Variants in PCBP3 observed in about 807,000 individuals in gnomAD.
PCBP3 encodes poly(rC) binding protein 3.
A neutral mutation model predicts 52.7 loss-of-function variants in PCBP3; 25 were observed. That is an observed-to-expected ratio of 0.47 (90% CI 0.35 to 0.66). The LOEUF is 0.66. Among genes scored for constraint, PCBP3 ranks in the 30% least tolerant of loss-of-function variants. PCBP3 has a pLI of 0.01. For missense variants in PCBP3, 391 were observed against 490.3 expected (o/e 0.80, Z 1.91); for synonymous variants, 162 against 183.0 (o/e 0.89, Z 0.93).
chr21:45,862,137 C>A (rs1377199077), intron 5 of PCBP3, among the ~76,000 whole-genome samples: 1 of 148,812 alleles, frequency 6.7e-6, no homozygotes, highest in Non-Finnish European at 1.5e-5. Context: ...GCCTAATCAC[C>A]TCCTGATACC....
rs1405428678 is a variant in PCBP3 at position 45,735,250 on chromosome 21, C to G, written c.-199-142C>G. 1 of 152,192 alleles carries G rather than the reference C, an allele frequency of 6.6e-6. No individual in the cohort carries two copies. The highest frequency in any genetic ancestry group is 1.5e-5 in the Non-Finnish European group (1 of 68,034). The allele number at this position is 152,192 out of a possible 1,614,324, so 9.4% of individuals were successfully genotyped here. A position where few individuals can be genotyped will look rare whatever the true frequency, so the allele number is the denominator to read the frequency against. On this transcript the variant is annotated intron_variant, in intron 2 of 17. Coordinates refer to ENST00000681687, the MANE Select transcript of PCBP3 (RefSeq NM_001384156.1). This position sits in a 1 kb window ranked among gnomAD's most constrained non-coding sequence, Gnocchi z 4.0. ...AAACTGTCTTTGACCTTCCCAATAA[C>G]TGATTTATAAACATGTCTTTTTAAT...
At chr21:45,674,773 T>C (rs1174601893) in intron 2 of PCBP3, among the ~76,000 whole-genome samples, 1 of 152,160 alleles carries the variant, frequency 6.6e-6, no homozygotes, top group Non-Finnish European at 1.5e-5. Flanking sequence ...TGCTTTTATA[T>C]GAGGGCACTG....
At chr21:45,893,916 G>A in intron 5 of PCBP3, 1 of 985,418 alleles carries the variant, frequency 1.0e-6, no homozygotes, top group Non-Finnish European at 1.2e-6. Context: ...CCACTGAGCT[G>A]CCCCATGGAC....
chr21:45,709,350 A>ATC (rs1313445413), intron 2 of PCBP3, among the ~76,000 whole-genome samples: 1 of 152,206 alleles, frequency 6.6e-6, no homozygotes, highest in African/African-American at 2.4e-5. Context: ...TATATCTTAG[A>ATC]TACATGGCAT....
chr21:45,845,261 G>A (rs572370991), intron 4 of PCBP3, among the ~76,000 whole-genome samples: 5 of 152,382 alleles, frequency 3.3e-5, no homozygotes, highest in South Asian at 2.1e-4. Flanking sequence ...TGAGGAGAAT[G>A]TTACAGAGAG....
intron 4 of PCBP3, among the ~76,000 whole-genome samples, chr21:45,819,665 G>A (rs1376706172): frequency 2.6e-5 from 4 of 152,222 alleles, no homozygotes; most frequent in African/African-American, 9.6e-5. Flanking sequence ...GTGCTATCTT[G>A]GCTGAGGTGG....
Position 45,704,218 on chromosome 21 carries a change from C to T in PCBP3, c.-199-31174C>T, listed in dbSNP as rs907377072. 1.4e-4 allele frequency among the ~76,000 whole-genome samples: 21 copies of T among 152,170 alleles called. No homozygotes were observed. Among genetic ancestry groups the T allele is most frequent in the Admixed American group, 6.5e-4 (10 of 15,288 alleles). ...GTCATATCAGATGCTGGGGATGGCTCCAAGGAGACTCTGGTGGCAACCCTG... is the reference window on the plus strand; with the variant it reads ...GTCATATCAGATGCTGGGGATGGCTTCAAGGAGACTCTGGTGGCAACCCTG... On this transcript the variant is annotated intron_variant, in intron 2 of 17. Coordinates refer to ENST00000681687, the MANE Select transcript of PCBP3 (RefSeq NM_001384156.1). This position sits in a 1 kb window ranked among gnomAD's most constrained non-coding sequence, Gnocchi z 4.1.
intron 13 of PCBP3, among the ~76,000 whole-genome samples, chr21:45,921,243 T>A (rs2074392486): frequency 1.8e-5 from 2 of 112,564 alleles, no homozygotes; most frequent in Admixed American, 9.0e-5. Flanking sequence ...TATATCAATA[T>A]AATTATAGAA....
intron 4 of PCBP3, among the ~76,000 whole-genome samples, chr21:45,813,312 A>G (rs1388651189): frequency 1.3e-5 from 2 of 152,110 alleles, no homozygotes; most frequent in African/African-American, 2.4e-5. Flanking sequence ...AAGTCCATCC[A>G]GTGAATTGTC....
chr21:45,811,670 G>A (rs968769929), intron 4 of PCBP3, among the ~76,000 whole-genome samples: 2 of 152,196 alleles, frequency 1.3e-5, no homozygotes, highest in Non-Finnish European at 2.9e-5. Flanking sequence ...CTGGTATTGA[G>A]ACATGTTGGC....
chr21:45,682,348 A>G (rs557680069), intron 2 of PCBP3, among the ~76,000 whole-genome samples: 2 of 152,266 alleles, frequency 1.3e-5, no homozygotes, highest in South Asian at 4.1e-4. Context: ...TATAATGTCC[A>G]GTGTTTTCAA....
intron 13 of PCBP3, among the ~76,000 whole-genome samples, chr21:45,919,785 G>A (rs774752013): frequency 7.9e-5 from 12 of 152,192 alleles, no homozygotes; most frequent in South Asian, 2.1e-4. Context: ...CCCAGCCTGC[G>A]CCCAGCAGCA....
Position 45,940,151 on chromosome 21 carries a change from C to G in PCBP3, c.1031C>G (p.Thr344Arg). 1 of 1,614,094 alleles carries G rather than the reference C, an allele frequency of 6.2e-7. No individual in the cohort carries two copies. The highest frequency in any genetic ancestry group is 8.5e-7 in the Non-Finnish European group (1 of 1,179,954). ...TCCTCAGAGCGTCAGATCACCATCA[C>G]GGGGACCCCGGCCAACATCAGCCTT... ...EGSSERQITI[T>R]GTPANISLAQ... The change falls in exon 17 of 18, where the codon ACG becomes AGG. Residue 344 changes from threonine to arginine, a missense_variant. Thr to Arg is a moderately conservative substitution (Grantham distance 71, BLOSUM62 -1). Coordinates refer to ENST00000681687, the MANE Select transcript of PCBP3 (RefSeq NM_001384156.1).
At chr21:45,765,844 C>T (rs1410013404) in intron 4 of PCBP3, among the ~76,000 whole-genome samples, 1 of 152,216 alleles carries the variant, frequency 6.6e-6, no homozygotes, top group African/African-American at 2.4e-5. Flanking sequence ...CGATGTGCTT[C>T]CTTCATGTTC....
At chr21:45,924,280 C>T (rs866629679) in intron 13 of PCBP3, among the ~76,000 whole-genome samples, 1 of 122,608 alleles carries the variant, frequency 8.2e-6, no homozygotes, top group African/African-American at 2.9e-5. Flanking sequence ...ATCGGGTGTG[C>T]GTGAGGAGAT....
intron 3 of PCBP3, among the ~76,000 whole-genome samples, chr21:45,742,252 A>G (rs1017139311): frequency 6.6e-6 from 1 of 152,238 alleles, no homozygotes; most frequent in East Asian, 1.9e-4. Flanking sequence ...TAAAAGAGGC[A>G]TAATGTGTAA....
Position 45,929,024 on chromosome 21 carries a change from G to C in PCBP3, c.718-893G>C, listed in dbSNP as rs543583538. Among the ~76,000 whole-genome samples the C allele has an allele frequency of 3.6e-3, 542 of 152,348 alleles. 3 individuals carry two copies. The highest frequency in any genetic ancestry group is 0.013 in the African/African-American group (528 of 41,566). ...TGAGGAGCACCATGCCCTCTGCTGA[G>C]CAGCCCTGGGCTCTCCAAAGGGTGG... On this transcript the variant is annotated intron_variant, in intron 13 of 17. Transcript: ENST00000681687.
intron 5 of PCBP3, among the ~76,000 whole-genome samples, chr21:45,893,533 C>T (rs1228614819): frequency 1.9e-5 from 1 of 52,432 alleles, no homozygotes; most frequent in African/African-American, 1.9e-4. Flanking sequence ...TGAGGCACAT[C>T]TGCAGATGGT....
intron 2 of PCBP3, among the ~76,000 whole-genome samples, chr21:45,701,952 C>T (rs1240225899): frequency 3.3e-5 from 5 of 152,336 alleles, no homozygotes; most frequent in African/African-American, 1.2e-4. Flanking sequence ...GTCAGAATTA[C>T]TATGACAGCT....
Sources: allele counts gnomAD v4.1 joint callset (sites outside exome capture counted in the v4.1 genomes callset), GRCh38; gene constraint gnomAD v4.1.1; non-coding constraint Gnocchi (gnomAD v3.1); transcripts MANE v1.5; gene names NCBI Gene and HGNC (gene_info 2026-07-23, HGNC 2026-07-21).